The following UST variants were observed in gnomAD, a reference collection of about 807,000 sequenced individuals.
The protein encoded by UST is chondroitin sulfate 2-O-sulfotransferase.
In UST, 21 loss-of-function variants were observed where a neutral mutation model predicts 45.6. That is an observed-to-expected ratio of 0.46 (90% CI 0.33 to 0.66). The LOEUF (loss-of-function observed/expected upper bound fraction) is 0.66, where lower values mean the gene tolerates loss of function less well. Among genes scored for constraint, UST ranks in the 30% least tolerant of loss-of-function variants. The pLI, the probability that UST is intolerant of heterozygous loss-of-function variation, is 0.02. For missense variants in UST, 463 were observed against 512.4 expected, an observed-to-expected ratio of 0.90 and a Z score of 0.93; for synonymous variants, 215 against 200.6, an observed-to-expected ratio of 1.07 and a Z score of -0.61.
rs963666844 is a variant in UST at position 148,983,668 on chromosome 6, A to G, written c.681+19105A>G. 5.3e-5 allele frequency among the ~76,000 whole-genome samples: 8 copies of G among 152,376 alleles called. No homozygotes were observed. The South Asian group carries it at 6.2e-4, about 12-fold the overall frequency. ...AGCGAATGTAGGAAATAAAATGTCA[A>G]GAAGAAATTTGTGAAGTACAAGAAT... On this transcript the variant is annotated intron_variant, in intron 5 of 7. Coordinates refer to ENST00000367463, the MANE Select transcript of UST (RefSeq NM_005715.3).
chr6:148,913,482 G>A (rs560494042), intron 2 of UST, among the ~76,000 whole-genome samples: 2 of 123,270 alleles, frequency 1.6e-5, no homozygotes, highest in Non-Finnish European at 3.2e-5. Flanking sequence ...CAGTTAGAAT[G>A]GATCAGATGT....
chr6:148,868,593 C>T (rs960653935), intron 1 of UST, among the ~76,000 whole-genome samples: 1 of 152,222 alleles, frequency 6.6e-6, no homozygotes, highest in Admixed American at 6.5e-5. Flanking sequence ...AGAAAAGAAA[C>T]CGATCTACTA....
intron 5 of UST, among the ~76,000 whole-genome samples, chr6:149,000,736 G>C (rs1781532324): frequency 6.6e-6 from 1 of 152,144 alleles, no homozygotes; most frequent in Admixed American, 6.5e-5. Flanking sequence ...GCAGAAAATT[G>C]TAAGAGAGAC....
intron 2 of UST, among the ~76,000 whole-genome samples, chr6:148,922,708 C>T (rs956589503): frequency 6.6e-6 from 1 of 151,416 alleles, no homozygotes; most frequent in South Asian, 2.1e-4. Flanking sequence ...CTCCTGACCT[C>T]GTGATCCGCC....
chr6:148,990,661 C>T (rs374331943), intron 5 of UST, among the ~76,000 whole-genome samples: 16 of 152,138 alleles, frequency 1.1e-4, no homozygotes, highest in South Asian at 4.2e-4. Context: ...CCTGACAATC[C>T]CCAGACGTCC....
chr6:148,766,885 A>T (rs1191914749), intron 1 of UST, among the ~76,000 whole-genome samples: 1 of 152,216 alleles, frequency 6.6e-6, no homozygotes, highest in East Asian at 1.9e-4. Context: ...CTCTTACAGT[A>T]CTATTTAGGG....
chr6:148,826,637 C>T (rs879770703), intron 1 of UST, among the ~76,000 whole-genome samples: 3 of 152,076 alleles, frequency 2.0e-5, no homozygotes, highest in Non-Finnish European at 4.4e-5. Flanking sequence ...ACTTTATGTA[C>T]CTGTATTAGT....
intron 5 of UST, among the ~76,000 whole-genome samples, chr6:148,999,001 G>A (rs746772261): frequency 1.5e-4 from 23 of 152,202 alleles, no homozygotes; most frequent in Admixed American, 1.2e-3. Context: ...GCAAAATCCC[G>A]AAGTCATTAT....
intron 7 of UST, among the ~76,000 whole-genome samples, chr6:149,029,866 TTGTGTGTGTGTGTGTGTGTG>T (rs3074362): frequency 2.1e-5 from 3 of 140,706 alleles, no homozygotes; most frequent in Non-Finnish European, 4.6e-5. Context: ...GCACTGGATC[TTGTGTGTGTGTGTGTGTGTG>T]TGTGTGTGTG....
intron 5 of UST, among the ~76,000 whole-genome samples, chr6:148,973,390 G>A (rs1780958018): frequency 6.6e-6 from 1 of 152,164 alleles, no homozygotes; most frequent in Non-Finnish European, 1.5e-5. Context: ...CGAGGCACTT[G>A]GAGTCCATTG....
At chr6:148,762,886 TC>T (rs1396672208) in intron 1 of UST, among the ~76,000 whole-genome samples, 1 of 152,198 alleles carries the variant, frequency 6.6e-6, no homozygotes, top group African/African-American at 2.4e-5. Flanking sequence ...GACCACATTT[TC>T]TTTATCCAGT....
At chr6:148,811,482 C>T (rs115581172) in intron 1 of UST, among the ~76,000 whole-genome samples, 31 of 152,258 alleles carry the variant, frequency 2.0e-4, no homozygotes, top group African/African-American at 7.0e-4. Flanking sequence ...TGAGAATTGG[C>T]GCCATTTTAA....
intron 1 of UST, among the ~76,000 whole-genome samples, chr6:148,792,508 A>G (rs563500036): frequency 1.3e-5 from 2 of 152,210 alleles, no homozygotes; most frequent in South Asian, 2.1e-4. Flanking sequence ...GAAAGGGAAC[A>G]TGAGGTCCAC....
At chr6:148,960,631 T>G (rs1486640516) in intron 4 of UST, among the ~76,000 whole-genome samples, 1 of 152,200 alleles carries the variant, frequency 6.6e-6, no homozygotes, top group East Asian at 1.9e-4. Context: ...TGGAGACGGG[T>G]GATAATGATG....
chr6:148,916,322 A>G (rs9399675), intron 2 of UST, among the ~76,000 whole-genome samples: 55,571 of 152,006 alleles, frequency 0.37, 10,457 homozygotes, highest in South Asian at 0.54. Context: ...GCACTCTGGC[A>G]CTATGCTGTA....
chr6:148,753,105 A>G (rs1003644333), intron 1 of UST, among the ~76,000 whole-genome samples: 1 of 152,240 alleles, frequency 6.6e-6, no homozygotes, highest in Admixed American at 6.5e-5. Context: ...AGTACATTTC[A>G]GCATTTGCTA....
intron 7 of UST, among the ~76,000 whole-genome samples, chr6:149,039,754 G>A (rs774258798): frequency 3.3e-5 from 5 of 152,168 alleles, no homozygotes; most frequent in African/African-American, 9.7e-5. Context: ...GGAAACTGTC[G>A]CTGTGGCCCC....
chr6:148,841,966 C>T (rs1391776814), intron 1 of UST, among the ~76,000 whole-genome samples: 2 of 152,110 alleles, frequency 1.3e-5, no homozygotes, highest in Non-Finnish European at 2.9e-5. Flanking sequence ...ATTAGCTGGA[C>T]GTGGTGGCAC....
At chr6:149,058,350 T>C (rs1333329966) in intron 7 of UST, among the ~76,000 whole-genome samples, 1 of 57,276 alleles carries the variant, frequency 1.7e-5, no homozygotes, top group Non-Finnish European at 3.4e-5. Flanking sequence ...GGAGCATGTG[T>C]GTGTGTGTGT....
Sources: allele counts gnomAD v4.1 joint callset (sites outside exome capture counted in the v4.1 genomes callset), GRCh38; gene constraint gnomAD v4.1.1; transcripts MANE v1.5; gene names NCBI Gene and HGNC (gene_info 2026-07-23, HGNC 2026-07-21).